THSD7B: variants seen among roughly 807,000 people sequenced by gnomAD.
THSD7B encodes the protein thrombospondin type 1 domain containing 7B.
THSD7B carries 138 observed loss-of-function variants against 213.6 expected under a neutral mutation model. The ratio of observed to expected loss-of-function variants is 0.65; its 90% CI spans 0.56 to 0.74. The LOEUF is 0.74. THSD7B is among the 30% of genes least tolerant of loss of function. The pLI, the probability that THSD7B is intolerant of heterozygous loss-of-function variation, is 0.00. For synonymous variants in THSD7B, 742 were observed against 687.0 expected, an observed-to-expected ratio of 1.08 and a Z score of -1.25; for missense variants, 1,931 against 1,991.5, an observed-to-expected ratio of 0.97 and a Z score of 0.58.
chr2:137,408,911 G>T (rs969148047), intron 13 of THSD7B, among the ~76,000 whole-genome samples: 2 of 152,112 alleles, frequency 1.3e-5, no homozygotes, highest in African/African-American at 4.8e-5. Flanking sequence ...AAGGAAGGTG[G>T]GTAGAAATTG....
intron 2 of THSD7B, among the ~76,000 whole-genome samples, chr2:137,001,150 A>T (rs1685991267): frequency 6.6e-6 from 1 of 151,924 alleles, no homozygotes. Context: ...AATGCTATAG[A>T]TTCATTGGGA....
At chr2:137,414,395 A>AGTGT (rs147890074) in intron 14 of THSD7B, among the ~76,000 whole-genome samples, 5 of 151,676 alleles carry the variant, frequency 3.3e-5, no homozygotes, top group Non-Finnish European at 7.4e-5. Flanking sequence ...ATAAAGACTT[A>AGTGT]GTGTGTGTGT....
At chr2:137,655,123 A>C (rs1683210653) in intron 21 of THSD7B, among the ~76,000 whole-genome samples, 1 of 152,232 alleles carries the variant, frequency 6.6e-6, no homozygotes. Flanking sequence ...AAAAACAGGT[A>C]AAATAAAAGA....
At chr2:137,054,942 C>T (rs1033413540) in intron 2 of THSD7B, among the ~76,000 whole-genome samples, 2 of 152,048 alleles carry the variant, frequency 1.3e-5, no homozygotes, top group Non-Finnish European at 2.9e-5. Context: ...GCCCCCCATA[C>T]CACGACAGGC....
rs770009363 is a variant in THSD7B at position 137,450,914 on chromosome 2, G to T, written c.3029G>T (p.Gly1010Val). The change falls in exon 15 of 28, where the codon GGG (glycine) becomes GTG (valine). Residue 1010 changes from glycine (G) to valine (V), a missense_variant. By Grantham distance (109) the Gly-to-Val change is moderately radical. Coordinates refer to ENST00000409968, the MANE Select transcript of THSD7B (RefSeq NM_001316349.2). ...AAGTTAAGCGATTGGTCTAGTTGGGGGTCTTGCAGTTCATCTTGTGGAATT... is the reference window on the plus strand; with the variant it reads ...AAGTTAAGCGATTGGTCTAGTTGGGTGTCTTGCAGTTCATCTTGTGGAATT... ...DCKLSDWSSW[G>V]SCSSSCGIGV... is the part of the protein sequence containing the mutation. 2 of 1,613,326 alleles carry T rather than the reference G, an allele frequency of 1.2e-6. No individual in the cohort carries two copies. The highest frequency in any genetic ancestry group is 1.1e-5 in the South Asian group (1 of 91,012).
In THSD7B at chr2:137,659,322, A is replaced by G. The variant is rs148712491; in HGVS notation, c.4376-342A>G. On this transcript the variant is annotated intron_variant, in intron 24 of 27. Coordinates refer to ENST00000409968, the MANE Select transcript of THSD7B (RefSeq NM_001316349.2). ...ATGTAGAAGGAGTATTCCAGCAGAT[A>G]TGTTTTCTGCTCCTGAGTTTAAATT... 9.0e-4 allele frequency among the ~76,000 whole-genome samples: 137 copies of G among 152,238 alleles called. 3 individuals are homozygous for G. In the South Asian group the frequency reaches 0.025, roughly 28 times the overall value.
At chr2:137,351,718 G>A (rs940832100) in intron 12 of THSD7B, among the ~76,000 whole-genome samples, 4 of 151,966 alleles carry the variant, frequency 2.6e-5, no homozygotes, top group Admixed American at 6.6e-5. Context: ...AAGCTTAGAT[G>A]TAGCTAAGAC....
At chr2:137,354,040 C>T (rs1049013848) in intron 12 of THSD7B, among the ~76,000 whole-genome samples, 5 of 152,110 alleles carry the variant, frequency 3.3e-5, no homozygotes, top group Non-Finnish European at 7.3e-5. Context: ...CTGTTTGTAA[C>T]TACATGGCTG....
rs184141373 is a variant in THSD7B, at chr2:137,506,023, G to A, written c.3138+55000G>A. On this transcript the variant is annotated intron_variant, in intron 15 of 27. Transcript: ENST00000409968. ...AGCTTGTAAAGGAGGTAGTTGAGGT[G>A]TGGACTCTGGATTGGTCTGTTTGTG... Among the ~76,000 whole-genome samples, 121 of 152,288 alleles carry A rather than the reference G, an allele frequency of 7.9e-4. 2 individuals are homozygous for A. The highest frequency in any genetic ancestry group is 2.6e-3 in the African/African-American group (109 of 41,550).
At chr2:137,067,458 G>C (rs1687403185) in intron 3 of THSD7B, among the ~76,000 whole-genome samples, 1 of 151,928 alleles carries the variant, frequency 6.6e-6, no homozygotes, top group Non-Finnish European at 1.5e-5. Context: ...GGTTTTCTTA[G>C]AGACTTCTTT....
intron 15 of THSD7B, among the ~76,000 whole-genome samples, chr2:137,501,263 G>T (rs1573666841): frequency 6.6e-6 from 1 of 152,236 alleles, no homozygotes; most frequent in Non-Finnish European, 1.5e-5. Context: ...ATAGTGAAAA[G>T]AAGAGGATTC....
At position 137,555,826 on chromosome 2, in the gene THSD7B, A is replaced by C. The variant is rs371954636; in HGVS notation, c.3139-7395A>C. Among the ~76,000 whole-genome samples the C allele has an allele frequency of 4.3e-4, 65 of 152,298 alleles. No homozygotes were observed. The South Asian group carries it at 0.013, about 31-fold the overall frequency. ...ACTAGACGAATGGCTAGCTAGAATA[A>C]CCAATGCAGAGAAGTCCTTAAAGGA... On this transcript the variant is annotated intron_variant, in intron 15 of 27. Transcript: ENST00000409968.
chr2:137,036,656 A>G (rs13421337), intron 2 of THSD7B, among the ~76,000 whole-genome samples: 88,835 of 152,100 alleles, frequency 0.58, 29,788 homozygotes, highest in Non-Finnish European at 0.73. Flanking sequence ...AAATCAAAAT[A>G]GTGTGCACAT....
intron 17 of THSD7B, among the ~76,000 whole-genome samples, chr2:137,585,841 G>A (rs1681712293): frequency 6.6e-6 from 1 of 152,170 alleles, no homozygotes; most frequent in African/African-American, 2.4e-5. Flanking sequence ...GAGTTCTGTA[G>A]ATGTCTATTA....
chr2:137,457,575 A>T (rs534468598), intron 15 of THSD7B, among the ~76,000 whole-genome samples: 1 of 152,344 alleles, frequency 6.6e-6, no homozygotes, highest in African/African-American at 2.4e-5. Flanking sequence ...TCAACAGGAA[A>T]ATCAAATCAT....
intron 3 of THSD7B, among the ~76,000 whole-genome samples, chr2:137,094,400 G>C (rs1688001645): frequency 6.6e-6 from 1 of 152,134 alleles, no homozygotes; most frequent in African/African-American, 2.4e-5. Flanking sequence ...GTAAAACCCT[G>C]TCTCTACTGA....
chr2:136,852,748 G>T (rs1055543854), intron 1 of THSD7B, among the ~76,000 whole-genome samples: 2 of 151,948 alleles, frequency 1.3e-5, no homozygotes, highest in Non-Finnish European at 2.9e-5. Context: ...AACTAAAAGA[G>T]CACTCTAAAT....
At chr2:137,116,101 A>G (rs971492244) in intron 5 of THSD7B, among the ~76,000 whole-genome samples, 1 of 152,174 alleles carries the variant, frequency 6.6e-6, no homozygotes. Context: ...TTTTCTTGCT[A>G]TGGTAATGCA....
At chr2:137,383,523 G>A (rs572772455) in intron 12 of THSD7B, among the ~76,000 whole-genome samples, 10 of 152,290 alleles carry the variant, frequency 6.6e-5, no homozygotes, top group East Asian at 1.9e-4. Flanking sequence ...AGAATAGGCC[G>A]AGGCAGACAT....
Sources: allele counts gnomAD v4.1 joint callset (sites outside exome capture counted in the v4.1 genomes callset), GRCh38; gene constraint gnomAD v4.1.1; transcripts MANE v1.5; gene names NCBI Gene and HGNC (gene_info 2026-07-23, HGNC 2026-07-21).